The following DNTTIP1 variants were observed in gnomAD, a reference collection of about 807,000 sequenced individuals.
DNTTIP1 encodes the protein deoxynucleotidyltransferase terminal-interacting protein 1.
A neutral mutation model predicts 52.9 loss-of-function variants in DNTTIP1; 22 were observed. The observed-to-expected ratio is 0.42, with a 90% CI of 0.30 to 0.59. The LOEUF is 0.59. Among genes scored for constraint, DNTTIP1 ranks in the 20% least tolerant of loss-of-function variants. The pLI is 0.22. For synonymous variants in DNTTIP1, 136 were observed against 155.1 expected, an observed-to-expected ratio of 0.88 and a Z score of 0.92; for missense variants, 286 against 435.5, an observed-to-expected ratio of 0.66 and a Z score of 3.06.
At chr20:45,805,388 AGCAGGCCATT>A in intron 10 of DNTTIP1, 22 bp downstream of exon 10, 1 of 1,612,436 alleles carries the variant, frequency 6.2e-7, no homozygotes, top group Non-Finnish European at 8.5e-7. Flanking sequence ...CTGGGAGGAA[AGCAGGCCATT>A]GCATTGGGAG....
intron 7 of DNTTIP1, among the ~76,000 whole-genome samples, chr20:45,802,504 C>A (rs1981507763): frequency 1.3e-5 from 2 of 151,928 alleles, no homozygotes; most frequent in Admixed American, 1.3e-4. Flanking sequence ...TTTTTTAGAG[C>A]AGTTTTAGGT....
chr20:45,810,714 C>G (rs1981803745), intron 11 of DNTTIP1, among the ~76,000 whole-genome samples, 171 bp from the exon 12 acceptor site: 1 of 151,972 alleles, frequency 6.6e-6, no homozygotes, highest in Admixed American at 6.6e-5. Flanking sequence ...AAGATTGTCT[C>G]AAGGAACCAT....
rs757799142 is a variant in DNTTIP1, at chr20:45,810,923, G to A, written c.834G>A (p.Ala278=). 24 of 1,614,138 alleles carry A rather than the reference G, an allele frequency of 1.5e-5. No homozygotes were observed. The highest frequency in any genetic ancestry group is 1.2e-4 in the South Asian group (11 of 91,082). ...LLIEEDIRDL[A]ASDDYRGCLD... ...TCGAGGAGGACATCCGGGACCTTGC[G>A]GCCAGTGATGATTACAGGTAAAACC... is the stretch of plus-strand genomic sequence containing the variant. Residue 278 remains alanine (A), a synonymous_variant, in exon 12 of 13, where the codon GCG becomes GCA. Coordinates refer to ENST00000372622, the MANE Select transcript of DNTTIP1 (RefSeq NM_052951.3).
intron 1 of DNTTIP1, 129 bp downstream of exon 1, chr20:45,792,238 C>G: frequency 3.9e-6 from 2 of 515,906 alleles, no homozygotes; most frequent in Non-Finnish European, 6.0e-6. Flanking sequence ...CGCAGCCCGA[C>G]GACCTGGATT....
intron 2 of DNTTIP1, among the ~76,000 whole-genome samples, 179 bp downstream of exon 2, chr20:45,792,926 C>T (rs2145695682): frequency 6.6e-6 from 1 of 152,322 alleles, no homozygotes; most frequent in South Asian, 2.1e-4. Context: ...TCACTTCCTT[C>T]TCTGAACTCA....
At chr20:45,805,104 G>A in intron 8 of DNTTIP1, 42 bp from the exon 9 acceptor site, 1 of 1,572,418 alleles carries the variant, frequency 6.4e-7, no homozygotes, top group Admixed American at 1.7e-5. Context: ...CTACCCATCA[G>A]ATTAAACTTC....
Position 45,799,952 on chromosome 20 carries a change from C to CAA in DNTTIP1, c.373-1103_373-1102dup, listed in dbSNP as rs11360135. Among the ~76,000 whole-genome samples, 423 of 125,474 alleles carry CAA rather than the reference C, an allele frequency of 3.4e-3. 4 individuals are homozygous for CAA. The highest frequency in any genetic ancestry group is 0.012 in the African/African-American group (396 of 33,976). 82.3% of individuals were successfully genotyped at this position (125,474 alleles called of 152,430 possible). A position where few individuals can be genotyped will look rare whatever the true frequency, so the allele number is the denominator to read the frequency against. Reference sequence around the variant, plus strand: ...AAAACCCCATCTCTACTAAAAATACCAAAAAAAAAAAAAAAAAAAATTAGC... The same window carrying CAA: ...AAAACCCCATCTCTACTAAAAATACCAAAAAAAAAAAAAAAAAAAAAATTAGC... On this transcript the variant is annotated intron_variant, in intron 4 of 12. Transcript: ENST00000372622.
intron 11 of DNTTIP1, among the ~76,000 whole-genome samples, chr20:45,810,352 C>A (rs867353884): frequency 6.6e-6 from 1 of 152,206 alleles, no homozygotes; most frequent in Admixed American, 6.5e-5. Context: ...TACTAGACAG[C>A]AGAGCAGTTT....
chr20:45,802,039 G>A lies in DNTTIP1; in HGVS notation c.539G>A (p.Arg180Gln), dbSNP rs185750172. Residue 180 changes from arginine (R) to glutamine (Q), a missense_variant, in exon 7 of 13, where the codon CGG becomes CAG. Coordinates refer to ENST00000372622, the MANE Select transcript of DNTTIP1 (RefSeq NM_052951.3). The part of the protein sequence containing the change: ...RPPGHILSSD[R>Q]AAAGMVWKPK... ...CCTGGACACATCCTGTCAAGCGACC[G>A]GGCAGCCGCCGGCATGGTGTGAGTA... 5.7e-5 allele frequency: 92 copies of A among 1,614,134 alleles called. No homozygotes were observed. In the Admixed American group the frequency reaches 8.2e-4, roughly 14 times the overall value.
chr20:45,798,275 T>C (rs1376307603), intron 4 of DNTTIP1, among the ~76,000 whole-genome samples: 1 of 138,386 alleles, frequency 7.2e-6, no homozygotes, highest in Non-Finnish European at 1.5e-5. Flanking sequence ...GGGTGGGAAT[T>C]GAACAATGAG....
intron 2 of DNTTIP1, among the ~76,000 whole-genome samples, chr20:45,793,014 G>A (rs1981087933): frequency 6.6e-6 from 1 of 152,228 alleles, no homozygotes; most frequent in African/African-American, 2.4e-5. Flanking sequence ...CACTGGCTCT[G>A]TGGTTGAGGG....
intron 8 of DNTTIP1, among the ~76,000 whole-genome samples, chr20:45,804,651 ACT>A (rs985666962): frequency 2.1e-4 from 32 of 151,614 alleles, no homozygotes; most frequent in Admixed American, 2.0e-3. Context: ...CCTAATTTGT[ACT>A]CTCTCTGTTA....
intron 10 of DNTTIP1, among the ~76,000 whole-genome samples, chr20:45,806,956 T>A (rs1423793095): frequency 2.0e-5 from 3 of 152,220 alleles, no homozygotes; most frequent in Non-Finnish European, 2.9e-5. Context: ...TGGTTTAAAG[T>A]ATGGCTTCAG....
Position 45,802,065 on chromosome 20 carries a change from G to A in DNTTIP1, c.557+8G>A, listed in dbSNP as rs536221701. On this transcript the variant is annotated splice_region_variant and intron_variant, in intron 7 of 12. Coordinates refer to ENST00000372622, the MANE Select transcript of DNTTIP1 (RefSeq NM_052951.3). ...GGCAGCCGCCGGCATGGTGTGAGTA[G>A]GGACCAACAGTGTGGTGAGAGCATA... 2 of 1,614,020 alleles carry A rather than the reference G, an allele frequency of 1.2e-6. No homozygotes were observed. The highest frequency in any genetic ancestry group is 2.2e-5 in the East Asian group (1 of 44,884).
At chr20:45,805,228 G>C (rs375318301) in intron 9 of DNTTIP1, 24 bp downstream of exon 9, 207 of 1,613,994 alleles carry the variant, frequency 1.3e-4, no homozygotes, top group Non-Finnish European at 1.7e-4. Flanking sequence ...CTTTGGCACT[G>C]ATTGAGGAAA....
In DNTTIP1 at chr20:45,805,347, A is replaced by G; in HGVS notation, c.704A>G (p.Lys235Arg). ...GGCACCAGAGGAAGAATCTACATCA[A>G]GCACCCACACCTCTTTAAGGTAGGT... ...MGGTRGRIYI[K>R]HPHLFKYAAD... The change falls in exon 10 of 13, where the codon AAG becomes AGG. Residue 235 changes from lysine (K) to arginine (R), a missense_variant. By Grantham distance (26) the Lys-to-Arg change is conservative (BLOSUM62 2). Transcript: ENST00000372622. 1 of 1,614,168 alleles carries G rather than the reference A, an allele frequency of 6.2e-7. No homozygotes were observed. The highest frequency in any genetic ancestry group is 8.5e-7 in the Non-Finnish European group (1 of 1,180,016).
intron 3 of DNTTIP1, among the ~76,000 whole-genome samples, chr20:45,794,939 C>T (rs548075234): frequency 6.6e-6 from 1 of 152,068 alleles, no homozygotes; most frequent in East Asian, 1.9e-4. Flanking sequence ...GCTGGGATTA[C>T]AGGCATCCGC....
At position 45,809,170 on chromosome 20, in the gene DNTTIP1, A is replaced by T; in HGVS notation, c.780A>T (p.Ala260=). 6.2e-7 allele frequency: 1 copy of T among 1,614,090 alleles called. No individual in the cohort carries two copies. The highest frequency in any genetic ancestry group is 8.5e-7 in the Non-Finnish European group (1 of 1,179,984). ...TGGCTGAGCAGCATCACATGCGGGC[A>T]ACAGGGGGCAAGATGGTAAGCATTA... ...HWLAEQHHMR[A]TGGKMAYLLI... The change falls in exon 11 of 13, where the codon GCA becomes GCT. Residue 260 remains alanine, a synonymous_variant. Transcript: ENST00000372622. The surrounding 1 kb of genome is among the most constrained non-coding windows in gnomAD (Gnocchi z 4.2).
chr20:45,800,688 AAAAAAAATATATATATATAT>A (rs1291083351), intron 4 of DNTTIP1, among the ~76,000 whole-genome samples: 12 of 55,874 alleles, frequency 2.1e-4, no homozygotes, highest in African/African-American at 1.1e-3. Flanking sequence ...TTAAAAAAAA[AAAAAAAATATATATATATAT>A]ATATATATAT....
Sources: gnomAD v4.1 joint callset for allele counts (sites outside exome capture counted in the v4.1 genomes callset) on GRCh38, gnomAD v4.1.1 for gene constraint, Gnocchi (gnomAD v3.1) non-coding constraint, MANE v1.5 for transcripts, NCBI Gene and HGNC (gene_info 2026-07-23, HGNC 2026-07-21) for gene names.